Variants in UNC13C observed in about 807,000 individuals in gnomAD.
UNC13C encodes unc-13 homolog C.
UNC13C carries 174 observed loss-of-function variants against 245.4 expected under a neutral mutation model. The observed-to-expected ratio is 0.71, with a 90% CI of 0.63 to 0.80. UNC13C has a LOEUF of 0.80. Among genes scored for constraint, UNC13C ranks in the 30% least tolerant of loss-of-function variants. The pLI, the probability that UNC13C is intolerant of heterozygous loss-of-function variation, is 0.00. For synonymous variants in UNC13C, 992 were observed against 895.1 expected, an observed-to-expected ratio of 1.11 and a Z score of -1.93; for missense variants, 2,829 against 2,602.9, an observed-to-expected ratio of 1.09 and a Z score of -1.89.
intron 19 of UNC13C, among the ~76,000 whole-genome samples, chr15:54,487,509 G>T (rs1322912150): frequency 1.3e-5 from 2 of 152,038 alleles, no homozygotes; most frequent in African/African-American, 4.8e-5. Flanking sequence ...GCTCACACCT[G>T]TAATCCCAGC....
At chr15:54,102,183 C>T (rs1000522460) in intron 2 of UNC13C, among the ~76,000 whole-genome samples, 3 of 151,404 alleles carry the variant, frequency 2.0e-5, no homozygotes, top group African/African-American at 7.3e-5. Flanking sequence ...ACAAATGAAC[C>T]AAAGTATTAT....
chr15:54,019,611 A>G (rs17664450), intron 2 of UNC13C, among the ~76,000 whole-genome samples: 14,389 of 152,244 alleles, frequency 0.095, 853 homozygotes, highest in East Asian at 0.16. Context: ...CTAGCAGAAG[A>G]CCAAAAATCT....
At chr15:54,478,607 G>T (rs1892911952) in intron 19 of UNC13C, among the ~76,000 whole-genome samples, 1 of 151,734 alleles carries the variant, frequency 6.6e-6, no homozygotes, top group Non-Finnish European at 1.5e-5. Flanking sequence ...CAGTTTCCAT[G>T]TAGTTGAGCA....
In UNC13C at chr15:54,613,948, G is replaced by C. The variant is rs1455813284; in HGVS notation, c.6107-8379G>C. 3.3e-5 allele frequency among the ~76,000 whole-genome samples: 5 copies of C among 152,042 alleles called. No individual in the cohort carries two copies. The East Asian group carries it at 9.7e-4, about 29-fold the overall frequency. On this transcript the variant is annotated intron_variant, in intron 30 of 32. Coordinates refer to ENST00000260323, the MANE Select transcript of UNC13C (RefSeq NM_001080534.3). ...ATACATTGCAACATCAGAAGTGCTT[G>C]AAGAAAAATAAAACAGGGTAAGAAC...
chr15:53,848,046 T>A, the UNC13C span, among the ~76,000 whole-genome samples: 19,229 of 152,146 alleles, frequency 0.13, 1,365 homozygotes, highest in Admixed American at 0.2. Flanking sequence ...CTGTAGGATG[T>A]CTAGTGATGT....
intron 18 of UNC13C, 41 bp downstream of exon 18, chr15:54,393,222 T>A (rs761650046): frequency 6.9e-7 from 1 of 1,449,056 alleles, no homozygotes; most frequent in Non-Finnish European, 9.1e-7. Context: ...TTTATTCCAC[T>A]AAAGTTCAAA....
intron 25 of UNC13C, among the ~76,000 whole-genome samples, chr15:54,527,012 T>G (rs1322122078): frequency 6.6e-6 from 1 of 152,134 alleles, no homozygotes; most frequent in Non-Finnish European, 1.5e-5. Context: ...TTAAGCAAGG[T>G]GGCCTTGTCT....
At chr15:54,534,957 G>C (rs532121723) in intron 26 of UNC13C, among the ~76,000 whole-genome samples, 3 of 152,032 alleles carry the variant, frequency 2.0e-5, no homozygotes, top group Non-Finnish European at 4.4e-5. Context: ...ACAAAAATAC[G>C]CTTAAGTATA....
intron 4 of UNC13C, among the ~76,000 whole-genome samples, chr15:54,163,468 A>ATTTTT (rs1429450935): frequency 3.0e-4 from 46 of 152,348 alleles, no homozygotes; most frequent in African/African-American, 1.0e-3. Context: ...GTAAACTAAT[A>ATTTTT]TATTCTCCAT....
rs1901285561 is a variant in UNC13C, at chr15:54,627,875, T to C, written c.*762T>C. On this transcript the variant is annotated 3_prime_UTR_variant, in exon 33 of 33. Coordinates refer to ENST00000260323, the MANE Select transcript of UNC13C (RefSeq NM_001080534.3). The stretch of plus-strand genomic sequence containing the variant: ...TTACCATATTTCATTCTTTAAAAAG[T>C]CATTAATGGTTTAGAAATGGGATGG... 1 of 152,596 alleles carries C rather than the reference T, an allele frequency of 6.6e-6. No homozygotes were observed. The highest frequency in any genetic ancestry group is 2.1e-4 in the South Asian group (1 of 4,830). 9.5% of individuals were successfully genotyped at this position (152,596 alleles called of 1,614,324 possible).
chr15:53,970,874 A>T, the UNC13C span, among the ~76,000 whole-genome samples: 5 of 152,208 alleles, frequency 3.3e-5, no homozygotes, highest in African/African-American at 4.8e-5. Flanking sequence ...ATATATACCC[A>T]GAAATGAAAT....
chr15:54,600,086 CAG>C (rs1345419659), intron 30 of UNC13C, among the ~76,000 whole-genome samples: 5 of 151,974 alleles, frequency 3.3e-5, no homozygotes, highest in African/African-American at 1.2e-4. Context: ...TAATTTGGAA[CAG>C]AGAGAATAAT....
intron 4 of UNC13C, among the ~76,000 whole-genome samples, chr15:54,184,297 G>C (rs2033898089): frequency 6.6e-6 from 1 of 151,810 alleles, no homozygotes; most frequent in East Asian, 1.9e-4. Flanking sequence ...TTAAGTTTCA[G>C]GGTACGTGTG....
intron 7 of UNC13C, among the ~76,000 whole-genome samples, chr15:54,240,386 A>G (rs1006425147): frequency 4.6e-5 from 7 of 152,240 alleles, no homozygotes; most frequent in African/African-American, 1.7e-4. Context: ...CTTGGTGCTG[A>G]AAATCTTTCT....
intron 2 of UNC13C, among the ~76,000 whole-genome samples, chr15:54,094,266 T>A (rs1341282705): frequency 6.6e-6 from 1 of 152,184 alleles, no homozygotes; most frequent in Non-Finnish European, 1.5e-5. Flanking sequence ...CAATTCTACA[T>A]GGTAGTTTGA....
intron 2 of UNC13C, among the ~76,000 whole-genome samples, chr15:54,124,355 T>A (rs1299993716): frequency 1.3e-5 from 2 of 152,220 alleles, no homozygotes; most frequent in Non-Finnish European, 2.9e-5. Context: ...TGTAGAGACA[T>A]TTCACTATGG....
chr15:54,175,022 G>A (rs2141291153), intron 4 of UNC13C, among the ~76,000 whole-genome samples: 1 of 152,250 alleles, frequency 6.6e-6, no homozygotes, highest in African/African-American at 2.4e-5. Flanking sequence ...GCCTAAGCAT[G>A]CTATCCCAGT....
chr15:53,952,290 G>A, the UNC13C span, among the ~76,000 whole-genome samples: 2 of 152,170 alleles, frequency 1.3e-5, no homozygotes, highest in Non-Finnish European at 2.9e-5. Context: ...AAAGTTACCT[G>A]GCAGGACAAT....
At chr15:54,322,697 C>T (rs2038194411) in intron 14 of UNC13C, among the ~76,000 whole-genome samples, 1 of 152,016 alleles carries the variant, frequency 6.6e-6, no homozygotes, top group African/African-American at 2.4e-5. Flanking sequence ...TTGCATCCAT[C>T]AGTGTAACTC....
Sources: gnomAD v4.1 joint callset for allele counts (sites outside exome capture counted in the v4.1 genomes callset) on GRCh38, gnomAD v4.1.1 for gene constraint, MANE v1.5 for transcripts, NCBI Gene and HGNC (gene_info 2026-07-23, HGNC 2026-07-21) for gene names.